PCDH11X: variants seen among roughly 807,000 people sequenced by gnomAD.
The protein encoded by PCDH11X is protocadherin 11 X-linked, also known as protocadherin-11 X-linked.
In PCDH11X, 18 loss-of-function variants were observed where a neutral mutation model predicts 53.3. The ratio of observed to expected loss-of-function variants is 0.34; its 90% confidence interval spans 0.23 to 0.50. PCDH11X has a LOEUF of 0.50. Among genes scored for constraint, PCDH11X ranks in the 20% least tolerant of loss-of-function variants. PCDH11X has a pLI of 0.98. For synonymous variants in PCDH11X, 279 were observed against 393.3 expected (o/e 0.71, Z 3.44); for missense variants, 570 against 1,032.4 (o/e 0.55, Z 6.14).
At chrX:92,558,650 A>AG (rs1380912035) in intron 10 of PCDH11X, among the ~76,000 whole-genome samples, 2 of 110,123 alleles carry the variant, frequency 1.8e-5, no homozygotes, top group Non-Finnish European at 3.8e-5. Context: ...CTCTTGGAAA[A>AG]ATATTGGTGT....
At position 92,589,180 on chromosome X, in the gene PCDH11X, C is replaced by T. The variant is rs1924742988; in HGVS notation, c.3368-29084C>T. 2.7e-5 allele frequency among the ~76,000 whole-genome samples: 3 copies of T among 111,263 alleles called. No individual in the cohort carries two copies. The South Asian group carries it at 1.1e-3, about 42-fold the overall frequency. Reference sequence around the variant, plus strand: ...CTGACATATTTCATTAACACCAGACCTCTCCTACAAAAAATGCTAGAGGGT... The same window carrying T: ...CTGACATATTTCATTAACACCAGACTTCTCCTACAAAAAATGCTAGAGGGT... On this transcript the variant is annotated intron_variant, in intron 10 of 10. Coordinates refer to ENST00000682573, the MANE Select transcript of PCDH11X (RefSeq NM_032968.5).
In PCDH11X at chrX:91,949,895, CA is replaced by C. The variant is rs762403796; in HGVS notation, c.3033+70627del. Among the ~76,000 whole-genome samples, 380 of 107,176 alleles carry C rather than the reference CA, an allele frequency of 3.5e-3. 6 individuals carry two copies. The highest frequency in any genetic ancestry group is 0.012 in the African/African-American group (357 of 29,568). 93.1% of individuals were successfully genotyped at this position (107,176 alleles called of 115,157 possible). A position where few individuals can be genotyped will look rare whatever the true frequency, so the allele number is the denominator to read the frequency against. On this transcript the variant is annotated intron_variant, in intron 6 of 10. Coordinates refer to ENST00000682573, the MANE Select transcript of PCDH11X (RefSeq NM_032968.5). ...TCCTAAGCAGACAGAAAAAGGGTGA[CA>C]AAAAGAATTCTAATAGGAGGAATAA...
At chrX:92,613,545 TTGTGTG>T (rs201132708) in intron 10 of PCDH11X, among the ~76,000 whole-genome samples, 73 of 65,516 alleles carry the variant, frequency 1.1e-3, no homozygotes, top group Middle Eastern at 0.015. Context: ...GTTGTTGTTG[TTGTGTG>T]TGTGTGTGTG....
chrX:91,982,900 A>G, intron 6 of PCDH11X: 1 of 981,831 alleles, frequency 1.0e-6, no homozygotes, highest in Non-Finnish European at 1.5e-6. Flanking sequence ...GCAGTCTCCA[A>G]CTTCTTGTTC....
At chrX:92,171,045 G>GAGCA (rs912386758) in intron 6 of PCDH11X, among the ~76,000 whole-genome samples, 3 of 102,582 alleles carry the variant, frequency 2.9e-5, no homozygotes, top group Non-Finnish European at 6.0e-5. Context: ...TTTTGGCCTC[G>GAGCA]AGCAATCCTC....
chrX:92,056,424 G>A (rs140684300), intron 6 of PCDH11X, among the ~76,000 whole-genome samples: 1,632 of 111,481 alleles, frequency 0.015, 24 homozygotes, highest in Non-Finnish European at 0.024. Flanking sequence ...TATACATGCT[G>A]TATATTAGAC....
At chrX:92,461,036 A>G (rs1369342070) in intron 9 of PCDH11X, 1 of 495,199 alleles carries the variant, frequency 2.0e-6, no homozygotes, top group Non-Finnish European at 3.3e-6. Context: ...TAAACAATGA[A>G]AACTATAAAA....
At chrX:92,365,995 C>T (rs1460064791) in intron 8 of PCDH11X, among the ~76,000 whole-genome samples, 1 of 111,285 alleles carries the variant, frequency 9.0e-6, no homozygotes, top group Non-Finnish European at 1.9e-5. Flanking sequence ...ATGCTGGTCT[C>T]ATAAAATGAG....
chrX:92,447,183 A>G (rs1042792974), intron 9 of PCDH11X, among the ~76,000 whole-genome samples: 2 of 112,026 alleles, frequency 1.8e-5, no homozygotes, highest in African/African-American at 6.5e-5. Context: ...ATAGAAAAGA[A>G]TTTACTATTT....
intron 10 of PCDH11X, among the ~76,000 whole-genome samples, chrX:92,478,064 G>A (rs1366559443): frequency 9.1e-6 from 1 of 109,973 alleles, no homozygotes; most frequent in East Asian, 2.9e-4. Flanking sequence ...GAGTTCTCAC[G>A]AGATCTTATG....
chrX:92,037,904 T>G lies in PCDH11X; in HGVS notation c.3033+158631T>G, dbSNP rs867492402. The stretch of plus-strand genomic sequence containing the variant: ...TTTTGATGGGGTTATTTGTGGGTTT[T>G]TTTTTTTTTTTTCGTAACTGTGTGA... On this transcript the variant is annotated intron_variant, in intron 6 of 10. Transcript: ENST00000682573. Among the ~76,000 whole-genome samples, 647 of 107,409 alleles carry G rather than the reference T, an allele frequency of 6.0e-3. 6 individuals are homozygous for G. The highest frequency in any genetic ancestry group is 0.021 in the African/African-American group (616 of 29,409). The allele number at this position is 107,409 out of a possible 115,157, so 93.3% of individuals were successfully genotyped here.
intron 6 of PCDH11X, among the ~76,000 whole-genome samples, chrX:92,147,854 T>TCTTTCTTTCTTTCTCTTTCTTTCTTTC (rs1467457236): frequency 3.5e-5 from 2 of 56,608 alleles, no homozygotes; most frequent in South Asian, 1.7e-3. Context: ...TTTCTTTCTT[T>TCTTTCTTTCTTTCTCTTTCTTTCTTTC]TTTCTTTTCT....
chrX:92,461,284 A>C (rs951981393), intron 9 of PCDH11X, among the ~76,000 whole-genome samples: 3 of 108,395 alleles, frequency 2.8e-5, no homozygotes, highest in African/African-American at 6.8e-5. Context: ...CACTGGGGGA[A>C]TCATAGTACC....
intron 6 of PCDH11X, among the ~76,000 whole-genome samples, chrX:92,136,396 GA>G (rs2148207774): frequency 9.3e-6 from 1 of 107,046 alleles, no homozygotes; most frequent in African/African-American, 3.5e-5. Flanking sequence ...AGATCTTGTA[GA>G]GTAGGAAGTG....
chrX:91,852,725 T>C (rs1016068998), intron 5 of PCDH11X, among the ~76,000 whole-genome samples: 4 of 111,159 alleles, frequency 3.6e-5, no homozygotes, highest in African/African-American at 9.8e-5. Context: ...GCAGCATCTC[T>C]GGCCTCTACC....
At chrX:92,116,778 G>A (rs1319799704) in intron 6 of PCDH11X, among the ~76,000 whole-genome samples, 2 of 110,454 alleles carry the variant, frequency 1.8e-5, no homozygotes, top group African/African-American at 3.3e-5. Context: ...TGTAGAAACA[G>A]GGTCTCACTA....
chrX:92,056,894 AT>A lies in PCDH11X; in HGVS notation c.3034-144480del, dbSNP rs1228953443. ...TATTTGATGTTTTCCGTTTCAAGAT[AT>A]AACAATTTATTTTCACTTTTATGTG... is the stretch of plus-strand genomic sequence containing the variant. On this transcript the variant is annotated intron_variant, in intron 6 of 10. Coordinates refer to ENST00000682573, the MANE Select transcript of PCDH11X (RefSeq NM_032968.5). 9.2e-5 allele frequency among the ~76,000 whole-genome samples: 10 copies of A among 108,131 alleles called. No individual in the cohort carries two copies. In the East Asian group the frequency reaches 1.2e-3, roughly 13 times the overall value. The allele number at this position is 108,131 out of a possible 115,157, so 93.9% of individuals were successfully genotyped here.
rs1398445502 is a variant in PCDH11X at position 92,215,483 on chromosome X, G to A, written c.3114+14028G>A. Among the ~76,000 whole-genome samples the A allele has an allele frequency of 2.4e-4, 17 of 71,742 alleles. No homozygotes were observed. In the South Asian group the frequency reaches 2.6e-3, roughly 11 times the overall value. The allele number at this position is 71,742 out of a possible 115,157, so 62.3% of individuals were successfully genotyped here. ...GCAGTCTGAGATCAATCTGCAAGGT[G>A]GCAGCGAGGCTGGGGGAGGGGCGCC... On this transcript the variant is annotated intron_variant, in intron 7 of 10. Transcript: ENST00000682573.
intron 10 of PCDH11X, among the ~76,000 whole-genome samples, chrX:92,559,360 C>A (rs1602331109): frequency 9.1e-6 from 1 of 110,118 alleles, no homozygotes. Context: ...ACAAATAGAG[C>A]AAAGGAAGAG....
Sources: allele counts gnomAD v4.1 joint callset (sites outside exome capture counted in the v4.1 genomes callset), GRCh38; gene constraint gnomAD v4.1.1; transcripts MANE v1.5; gene names NCBI Gene and HGNC (gene_info 2026-07-23, HGNC 2026-07-21).